The following ADAMTSL1 variants were observed in gnomAD, a reference collection of about 807,000 sequenced individuals.
ADAMTSL1 encodes the protein ADAMTS like 1.
Under a neutral mutation model 201.8 loss-of-function variants are expected in ADAMTSL1, and 126 were observed. That is an observed-to-expected ratio of 0.62 (90% confidence interval 0.54 to 0.72). ADAMTSL1 has a LOEUF of 0.72. ADAMTSL1 is among the 30% of genes least tolerant of loss of function. ADAMTSL1 has a pLI of 0.00. For missense variants in ADAMTSL1, 2,679 were observed against 2,277.8 expected (o/e 1.18, Z -3.59); for synonymous variants, 1,121 against 903.4 (o/e 1.24, Z -4.32).
At chr9:17,978,487 A>G (rs1818544336) in intron 1 of ADAMTSL1, among the ~76,000 whole-genome samples, 2 of 151,936 alleles carry the variant, frequency 1.3e-5, no homozygotes, top group African/African-American at 4.8e-5. Flanking sequence ...TATTTCCATG[A>G]GGCTTACATA....
At chr9:18,838,845 C>T (rs539786962) in intron 23 of ADAMTSL1, among the ~76,000 whole-genome samples, 4 of 149,986 alleles carry the variant, frequency 2.7e-5, no homozygotes, top group Admixed American at 6.7e-5. Flanking sequence ...CACTACACTG[C>T]AGCCTGGGCA....
At chr9:18,446,249 T>G (rs1012037787) in intron 2 of ADAMTSL1, among the ~76,000 whole-genome samples, 2 of 152,170 alleles carry the variant, frequency 1.3e-5, no homozygotes, top group African/African-American at 4.8e-5. Flanking sequence ...AAGTCTAAGA[T>G]GAAAACTAAA....
At chr9:17,907,865 T>C (rs538224263) in intron 1 of ADAMTSL1, among the ~76,000 whole-genome samples, 2 of 152,264 alleles carry the variant, frequency 1.3e-5, no homozygotes, top group African/African-American at 4.8e-5. Flanking sequence ...CCTCCATAGA[T>C]TTGCCTTTCA....
chr9:18,304,290 C>G (rs929981247), intron 2 of ADAMTSL1, among the ~76,000 whole-genome samples: 1 of 151,956 alleles, frequency 6.6e-6, no homozygotes, highest in African/African-American at 2.4e-5. Context: ...TTCTTTCACT[C>G]CTGCCCCTAC....
At chr9:18,010,309 T>G (rs770373601) in intron 1 of ADAMTSL1, among the ~76,000 whole-genome samples, 18 of 151,994 alleles carry the variant, frequency 1.2e-4, no homozygotes, top group Non-Finnish European at 2.4e-4. Flanking sequence ...AGAAAGCAAG[T>G]TTTCTATCCA....
Position 18,908,584 on chromosome 9 carries a change from A to T in ADAMTSL1, c.*36A>T. Reference sequence around the variant, plus strand: ...TGGGGAAAAACTCTACCCTGGCCACACGAAGGACTCACGCAACCACCTCGG... The same window carrying T: ...TGGGGAAAAACTCTACCCTGGCCACTCGAAGGACTCACGCAACCACCTCGG... On this transcript the variant is annotated 3_prime_UTR_variant, in exon 29 of 29. Transcript: ENST00000380548. The T allele has an allele frequency of 6.6e-7, 1 of 1,509,358 alleles. No individual in the cohort carries two copies. The highest frequency in any genetic ancestry group is 2.5e-5 in the East Asian group (1 of 40,706). 93.5% of individuals were successfully genotyped at this position (1,509,358 alleles called of 1,614,324 possible).
chr9:18,766,005 G>A (rs1343072785), intron 16 of ADAMTSL1, among the ~76,000 whole-genome samples: 4 of 152,048 alleles, frequency 2.6e-5, no homozygotes, highest in African/African-American at 7.2e-5. Context: ...CAGCAAATGC[G>A]AAGGCCCTGT....
intron 1 of ADAMTSL1, among the ~76,000 whole-genome samples, chr9:18,035,531 C>T (rs1821158616): frequency 6.6e-6 from 1 of 152,114 alleles, no homozygotes; most frequent in Admixed American, 6.6e-5. Flanking sequence ...CAATTTACTT[C>T]CTCACCACCT....
intron 23 of ADAMTSL1, among the ~76,000 whole-genome samples, chr9:18,886,166 G>GTGTGTATATATATATA (rs1554657845): frequency 2.7e-5 from 1 of 37,138 alleles, no homozygotes; most frequent in Non-Finnish European, 4.9e-5. Flanking sequence ...GTGTGTATGT[G>GTGTGTATATATATATA]TATATATATA....
chr9:17,964,053 G>T (rs1407261211), intron 1 of ADAMTSL1, among the ~76,000 whole-genome samples: 2 of 152,030 alleles, frequency 1.3e-5, no homozygotes, highest in African/African-American at 4.8e-5. Flanking sequence ...AACCAAAAAG[G>T]AAAAACAAAA....
chr9:18,002,134 G>T lies in ADAMTSL1; in HGVS notation c.87+95212G>T, dbSNP rs536744289. On this transcript the variant is annotated intron_variant, in intron 1 of 29. Coordinates refer to the ADAMTSL1 transcript ENST00000680146. ...AATGATGAAAGTAAAAGGAAAGAAT[G>T]TTGTCCTGAAGGGTAAAAGATGACT... Among the ~76,000 whole-genome samples, 14 of 152,044 alleles carry T rather than the reference G, an allele frequency of 9.2e-5. No individual in the cohort carries two copies. In the East Asian group the frequency reaches 2.7e-3, roughly 30 times the overall value.
chr9:18,214,513 A>G (rs945453250), intron 2 of ADAMTSL1, among the ~76,000 whole-genome samples: 7 of 152,202 alleles, frequency 4.6e-5, no homozygotes, highest in African/African-American at 1.4e-4. Context: ...GGCGATGCCA[A>G]CTAAATGTTA....
chr9:17,943,516 A>C (rs2131353070), intron 1 of ADAMTSL1, among the ~76,000 whole-genome samples: 1 of 152,240 alleles, frequency 6.6e-6, no homozygotes, highest in Admixed American at 6.5e-5. Flanking sequence ...GTTCCTGTTT[A>C]AAGTATTTTG....
At chr9:18,474,677 A>G (rs867774305) in intron 1 of ADAMTSL1, among the ~76,000 whole-genome samples, 19 of 152,218 alleles carry the variant, frequency 1.2e-4, no homozygotes, top group African/African-American at 4.1e-4. Flanking sequence ...GAATTTTTTG[A>G]TGGATAGGCT....
chr9:18,056,795 C>A (rs1057475081), intron 1 of ADAMTSL1, among the ~76,000 whole-genome samples: 2 of 152,128 alleles, frequency 1.3e-5, no homozygotes, highest in South Asian at 2.1e-4. Context: ...CAAAGAGGAA[C>A]CCACTCTGGG....
intron 2 of ADAMTSL1, among the ~76,000 whole-genome samples, chr9:18,287,359 A>G (rs56112356): frequency 0.061 from 9,304 of 152,044 alleles, 961 homozygotes; most frequent in African/African-American, 0.21. Context: ...ACACATACAT[A>G]CATATACACA....
At chr9:18,655,651 A>T (rs191149316) in intron 7 of ADAMTSL1, among the ~76,000 whole-genome samples, 34 of 152,098 alleles carry the variant, frequency 2.2e-4, no homozygotes, top group Admixed American at 2.2e-3. Context: ...AAAAACAAAA[A>T]CAAACAAACA....
chr9:18,739,895 C>CTGTGTGTGTG (rs1487457581), intron 15 of ADAMTSL1, among the ~76,000 whole-genome samples: 2 of 109,138 alleles, frequency 1.8e-5, no homozygotes, highest in African/African-American at 7.2e-5. Context: ...TACATGTCTA[C>CTGTGTGTGTG]TATCTGTGTG....
At chr9:18,560,638 G>GTT (rs60807301) in intron 3 of ADAMTSL1, among the ~76,000 whole-genome samples, 4 of 146,690 alleles carry the variant, frequency 2.7e-5, no homozygotes, top group South Asian at 2.2e-4. Context: ...CTGGTCCTGG[G>GTT]TTTTTTTTTT....
Sources: allele counts gnomAD v4.1 joint callset (sites outside exome capture counted in the v4.1 genomes callset), GRCh38; gene constraint gnomAD v4.1.1; transcripts MANE v1.5; gene names NCBI Gene and HGNC (gene_info 2026-07-23, HGNC 2026-07-21).